Variants in PRKCH observed in about 807,000 individuals in gnomAD.
PRKCH encodes protein kinase C eta.
A neutral mutation model predicts 82.5 loss-of-function variants in PRKCH; 28 were observed. The ratio of observed to expected loss-of-function variants is 0.34; its 90% CI spans 0.25 to 0.47. PRKCH has a LOEUF of 0.47. Ranked by LOEUF, PRKCH falls within the 20% of genes least tolerant of loss-of-function variation. The pLI is 1.00. For synonymous variants in PRKCH, 322 were observed against 327.4 expected (o/e 0.98, Z 0.18); for missense variants, 705 against 881.8 (o/e 0.80, Z 2.54).
intron 2 of PRKCH, among the ~76,000 whole-genome samples, chr14:61,439,463 C>T (rs1056784993): frequency 2.0e-5 from 3 of 152,162 alleles, no homozygotes; most frequent in East Asian, 1.9e-4. Flanking sequence ...GTTTTCTAAA[C>T]GAAGCACACG....
chr14:61,319,477 A>G (rs1487554349), upstream of PRKCH, among the ~76,000 whole-genome samples: 1 of 152,134 alleles, frequency 6.6e-6, no homozygotes, highest in Non-Finnish European at 1.5e-5. Flanking sequence ...AGGTACTGAT[A>G]GGGTGAAGAT....
In PRKCH at chr14:61,414,320, T is replaced by G. The variant is rs1882443280; in HGVS notation, c.427+23032T>G. Reference sequence around the variant, plus strand: ...TGGAGTCTCACTCTGTCACCCAGGCTGGAGTGTAGTGGTGTGACCTTGGCT... The same window carrying G: ...TGGAGTCTCACTCTGTCACCCAGGCGGGAGTGTAGTGGTGTGACCTTGGCT... On this transcript the variant is annotated intron_variant, in intron 2 of 13. Coordinates refer to ENST00000332981, the MANE Select transcript of PRKCH (RefSeq NM_006255.5). 3.3e-5 allele frequency among the ~76,000 whole-genome samples: 5 copies of G among 151,576 alleles called. No homozygotes were observed. The South Asian group carries it at 1.0e-3, about 32-fold the overall frequency.
At chr14:61,257,414 T>A (rs778591071) in intron 1 of PRKCH, among the ~76,000 whole-genome samples, 6 of 152,160 alleles carry the variant, frequency 3.9e-5, no homozygotes, top group Non-Finnish European at 7.3e-5. Context: ...GCATGGCATA[T>A]AAATTGGACT....
chr14:61,239,895 T>C (rs1271083083), intron 1 of PRKCH, among the ~76,000 whole-genome samples: 1 of 152,234 alleles, frequency 6.6e-6, no homozygotes, highest in South Asian at 2.1e-4. Context: ...GACCCAGCAC[T>C]GTCTTTTGAT....
At position 61,280,758 on chromosome 14, in the gene PRKCH, G is replaced by T; in HGVS notation, c.-19+93090G>T. The T allele has an allele frequency of 6.4e-7, 1 of 1,560,524 alleles. No homozygotes were observed. The highest frequency in any genetic ancestry group is 8.6e-7 in the Non-Finnish European group (1 of 1,160,926). On this transcript the variant is annotated intron_variant, in intron 1 of 3. Coordinates refer to the PRKCH transcript ENST00000555185. The surrounding 1 kb of genome is among the most constrained non-coding windows in gnomAD (Gnocchi z 5.0). The stretch of plus-strand genomic sequence containing the variant: ...CGCTGGGGAGTCCGCTCAGCTGCGC[G>T]TCGTCGCGGGACACGCCGTAGCGCC...
At chr14:61,328,404 T>TATAAGTGA (rs2045731640) in intron 1 of PRKCH, among the ~76,000 whole-genome samples, 1 of 152,094 alleles carries the variant, frequency 6.6e-6, no homozygotes, top group Non-Finnish European at 1.5e-5. Context: ...TGTAATACGT[T>TATAAGTGA]ATAACGTTTT....
intron 1 of PRKCH, chr14:61,304,900 G>A (rs998107969): frequency 6.6e-6 from 1 of 150,392 alleles, no homozygotes. Context: ...GGCCTCCACT[G>A]TTTCTAGTAA....
intron 9 of PRKCH, among the ~76,000 whole-genome samples, chr14:61,478,819 C>T (rs1885840922): frequency 1.3e-5 from 2 of 152,120 alleles, no homozygotes; most frequent in South Asian, 4.1e-4. Flanking sequence ...CATGATCCTG[C>T]CACTGCCCTC....
rs548566398 is a variant in PRKCH at position 61,287,435 on chromosome 14, G to C, written c.-19+99767G>C. Among the ~76,000 whole-genome samples, 6 of 152,006 alleles carry C rather than the reference G, an allele frequency of 3.9e-5. 1 individual carries two copies. In the Middle Eastern group the frequency reaches 0.01, roughly 259 times the overall value. ...TGACTCAGAAGTGAATTAGGGCCACGCCCGGTAGCTCACGCCTGTAATCCC... is the reference window on the plus strand; with the variant it reads ...TGACTCAGAAGTGAATTAGGGCCACCCCCGGTAGCTCACGCCTGTAATCCC... On this transcript the variant is annotated intron_variant, in intron 1 of 3. Transcript: ENST00000555185.
intron 1 of PRKCH, among the ~76,000 whole-genome samples, chr14:61,334,492 A>G (rs192060406): frequency 7.9e-4 from 120 of 152,194 alleles, no homozygotes; most frequent in Non-Finnish European, 1.2e-3. Context: ...GCGGGTGACA[A>G]TTCAGCTGAG....
intron 1 of PRKCH, among the ~76,000 whole-genome samples, chr14:61,380,947 A>T (rs1226051064): frequency 2.0e-5 from 3 of 152,186 alleles, no homozygotes; most frequent in Non-Finnish European, 2.9e-5. Context: ...ACTTGAAGTA[A>T]TTCTAAGTTT....
intron 10 of PRKCH, among the ~76,000 whole-genome samples, chr14:61,513,035 C>T (rs145721956): frequency 3.6e-4 from 55 of 152,222 alleles, no homozygotes; most frequent in African/African-American, 1.2e-3. Flanking sequence ...CCCAAGCTGA[C>T]ACTTACAGTA....
intron 1 of PRKCH, among the ~76,000 whole-genome samples, chr14:61,372,667 C>T (rs2046377614): frequency 6.6e-6 from 1 of 152,016 alleles, no homozygotes; most frequent in Non-Finnish European, 1.5e-5. Flanking sequence ...TCTGAAGGTC[C>T]TTAAGCCAGC....
intron 9 of PRKCH, chr14:61,463,319 A>T (rs1885110544): frequency 6.6e-6 from 1 of 152,236 alleles, no homozygotes; most frequent in Non-Finnish European, 1.5e-5. Context: ...CCCAATGGCC[A>T]GCCCAGACAC....
intron 1 of PRKCH, chr14:61,322,825 A>G: frequency 4.4e-6 from 1 of 228,454 alleles, no homozygotes. Flanking sequence ...GAGTGATACA[A>G]AAGGGACTTG....
intron 13 of PRKCH, 142 bp downstream of exon 13, chr14:61,548,028 G>A: frequency 9.5e-7 from 1 of 1,049,226 alleles, no homozygotes; most frequent in Non-Finnish European, 1.4e-6. Context: ...GCCTCCCCTG[G>A]GGGGAATCTG....
chr14:61,427,207 G>T (rs1883151546), intron 2 of PRKCH, among the ~76,000 whole-genome samples: 1 of 152,180 alleles, frequency 6.6e-6, no homozygotes, highest in African/African-American at 2.4e-5. Context: ...TGGATTCAAA[G>T]ATCTGCTTAT....
At chr14:61,528,286 T>C (rs1366698879) in intron 10 of PRKCH, among the ~76,000 whole-genome samples, 2 of 151,966 alleles carry the variant, frequency 1.3e-5, no homozygotes, top group Non-Finnish European at 2.9e-5. Flanking sequence ...CTCAACCTCC[T>C]GGGCTCAAGT....
chr14:61,386,272 A>C (rs2046585942), intron 1 of PRKCH, among the ~76,000 whole-genome samples: 1 of 152,220 alleles, frequency 6.6e-6, no homozygotes, highest in South Asian at 2.1e-4. Flanking sequence ...GTGCTAAAGA[A>C]TTTGGACCTT....
Sources: allele counts gnomAD v4.1 joint callset (sites outside exome capture counted in the v4.1 genomes callset), GRCh38; gene constraint gnomAD v4.1.1; non-coding constraint Gnocchi (gnomAD v3.1); transcripts MANE v1.5; gene names NCBI Gene and HGNC (gene_info 2026-07-23, HGNC 2026-07-21).